The following PPP2R2D variants were observed in gnomAD, a reference collection of about 807,000 sequenced individuals.
PPP2R2D encodes the protein serine/threonine-protein phosphatase 2A 55 kDa regulatory subunit B delta isoform.
A neutral mutation model predicts 31.1 loss-of-function variants in PPP2R2D; 9 were observed. The observed-to-expected ratio is 0.29, with a 90% CI of 0.17 to 0.51. PPP2R2D has a LOEUF of 0.51. Among genes scored for constraint, PPP2R2D ranks in the 20% least tolerant of loss-of-function variants. The probability of loss-of-function intolerance (pLI) is 0.98; values close to 1 mark genes in which losing one functional copy is unlikely to be tolerated. For missense variants in PPP2R2D, 391 were observed against 465.6 expected, an observed-to-expected ratio of 0.84 and a Z score of 1.48; for synonymous variants, 179 against 172.6, an observed-to-expected ratio of 1.04 and a Z score of -0.29.
At chr10:131,965,511 A>G in the PPP2R2D span, among the ~76,000 whole-genome samples, 1 of 152,148 alleles carries the variant, frequency 6.6e-6, no homozygotes, top group Admixed American at 6.5e-5. Context: ...GTGCAGTGGC[A>G]CGATTTTGGC....
At chr10:131,966,883 T>G in the PPP2R2D span, 9 of 3,382 alleles carry the variant, frequency 2.7e-3, no homozygotes, top group African/African-American at 0.031. Flanking sequence ...AACTGGTTGT[T>G]TTTTTTTTTT....
intron 2 of PPP2R2D, among the ~76,000 whole-genome samples, chr10:131,916,266 G>A (rs2035777902): frequency 6.6e-6 from 1 of 151,806 alleles, no homozygotes; most frequent in Non-Finnish European, 1.5e-5. Context: ...ACTTAGGGTG[G>A]TTTGGGCCAT....
At chr10:131,944,597 T>C (rs984995612) in intron 6 of PPP2R2D, among the ~76,000 whole-genome samples, 5 of 152,230 alleles carry the variant, frequency 3.3e-5, no homozygotes, top group Admixed American at 2.6e-4. Flanking sequence ...CCTCCTCACA[T>C]GGGCCCCTTT....
intron 2 of PPP2R2D, among the ~76,000 whole-genome samples, chr10:131,933,377 GT>G (rs1200204519): frequency 3.9e-5 from 6 of 152,134 alleles, no homozygotes; most frequent in Admixed American, 3.3e-4. Context: ...CCATTTAGTT[GT>G]TTTTTTACTT....
intron 4 of PPP2R2D, 126 bp from the exon 5 acceptor site, chr10:131,940,456 G>T (rs1179983283): frequency 1.6e-6 from 1 of 610,728 alleles, no homozygotes; most frequent in Admixed American, 3.0e-5. Flanking sequence ...AAATATTCAT[G>T]TTCAGAGACC....
At chr10:131,904,219 A>AT (rs1491148782) in intron 2 of PPP2R2D, among the ~76,000 whole-genome samples, 1 of 137,758 alleles carries the variant, frequency 7.3e-6, no homozygotes, top group Non-Finnish European at 1.6e-5. Context: ...AAAAAAAAAA[A>AT]GGAGAGAGAT....
At chr10:131,943,402 AT>A in intron 5 of PPP2R2D, among the ~76,000 whole-genome samples, 1 of 152,256 alleles carries the variant, frequency 6.6e-6, no homozygotes, top group East Asian at 1.9e-4. Flanking sequence ...AGCTCCATGA[AT>A]GTTTGTAGGG....
In PPP2R2D at chr10:131,945,553, G is replaced by A. The variant is rs1188985436; in HGVS notation, c.820+94G>A. On this transcript the variant is annotated intron_variant, in intron 7 of 8. Coordinates refer to ENST00000455566, the MANE Select transcript of PPP2R2D (RefSeq NM_018461.5). The surrounding 1 kb of genome is among the most constrained non-coding windows in gnomAD (Gnocchi z 4.8). ...CGGCTCACGGCAAGCTCCGCCTCCC[G>A]GGTTCCAGCAAGTCTTCTGCCTCGG... The A allele has an allele frequency of 6.8e-5, 97 of 1,433,042 alleles. 1 individual carries two copies. The Middle Eastern group carries it at 9.9e-4, about 15-fold the overall frequency. The allele number at this position is 1,433,042 out of a possible 1,614,324, so 88.8% of individuals were successfully genotyped here. A position where few individuals can be genotyped will look rare whatever the true frequency, so the allele number is the denominator to read the frequency against.
chr10:131,904,190 C>T (rs1462594187), intron 2 of PPP2R2D, among the ~76,000 whole-genome samples: 3 of 124,154 alleles, frequency 2.4e-5, no homozygotes, highest in African/African-American at 6.5e-5. Flanking sequence ...GGCGTCAGAG[C>T]GAGACTCCGT....
At chr10:131,908,595 C>T (rs2035634510) in intron 2 of PPP2R2D, among the ~76,000 whole-genome samples, 1 of 152,230 alleles carries the variant, frequency 6.6e-6, no homozygotes, top group Non-Finnish European at 1.5e-5. Flanking sequence ...GAATTTGGTA[C>T]ACATCCCTTT....
intron 2 of PPP2R2D, among the ~76,000 whole-genome samples, chr10:131,933,497 T>G (rs1589946305): frequency 6.6e-6 from 1 of 151,992 alleles, no homozygotes. Flanking sequence ...TTCCTGAGAC[T>G]CCCCCACACT....
the PPP2R2D span, chr10:131,970,389 A>C: frequency 4.9e-5 from 28 of 566,944 alleles, no homozygotes; most frequent in Admixed American, 9.0e-4. This position sits in a 1 kb window ranked among gnomAD's most constrained non-coding sequence, Gnocchi z 4.1. Flanking sequence ...GACTCCGTTT[A>C]TATTCAGTGA....
At chr10:131,954,797 G>A (rs2036762942) in intron 8 of PPP2R2D, among the ~76,000 whole-genome samples, 1 of 152,234 alleles carries the variant, frequency 6.6e-6, no homozygotes, top group African/African-American at 2.4e-5. Flanking sequence ...CACCGCGCAT[G>A]ACCATGGGGG....
chr10:131,928,963 A>G (rs1014053029), intron 2 of PPP2R2D, among the ~76,000 whole-genome samples: 1 of 152,216 alleles, frequency 6.6e-6, no homozygotes, highest in Non-Finnish European at 1.5e-5. Context: ...TGATGTACGT[A>G]TAAAAGAAAA....
chr10:131,958,345 T>C lies in PPP2R2D; in HGVS notation c.*2382T>C, dbSNP rs190963953. 0.035 allele frequency: 6,807 copies of C among 191,942 alleles called. 180 individuals carry two copies. The highest frequency in any genetic ancestry group is 0.052 in the Admixed American group (811 of 15,702). The allele number at this position is 191,942 out of a possible 1,614,324, so 11.9% of individuals were successfully genotyped here. ...CCCCTGTGGAGATGAAGGGGTGTGC[T>C]GATCCCCCGTCTTCCTGTGGAGATG... On this transcript the variant is annotated 3_prime_UTR_variant, in exon 9 of 9. Coordinates refer to ENST00000455566, the MANE Select transcript of PPP2R2D (RefSeq NM_018461.5).
chr10:131,960,375 C>T (rs782681667), downstream of PPP2R2D, among the ~76,000 whole-genome samples: 2 of 152,176 alleles, frequency 1.3e-5, no homozygotes, highest in Non-Finnish European at 2.9e-5. Context: ...GCTGATGACC[C>T]GGATTCCATG....
intron 2 of PPP2R2D, among the ~76,000 whole-genome samples, chr10:131,914,001 C>A (rs987169675): frequency 6.6e-6 from 1 of 152,130 alleles, no homozygotes; most frequent in East Asian, 1.9e-4. Context: ...ACCACTGCAC[C>A]GGCACACAGG....
downstream of PPP2R2D, among the ~76,000 whole-genome samples, chr10:131,964,667 T>G (rs1554901974): frequency 1.9e-5 from 1 of 53,728 alleles, no homozygotes; most frequent in Non-Finnish European, 4.1e-5. Context: ...GTTTACTATG[T>G]TTTTTTTTTT....
At chr10:131,941,319 C>T (rs1442729151) in intron 5 of PPP2R2D, among the ~76,000 whole-genome samples, 1 of 152,192 alleles carries the variant, frequency 6.6e-6, no homozygotes, top group Admixed American at 6.5e-5. Flanking sequence ...AACTCAAAAC[C>T]TCAATGTCTT....
Sources: gnomAD v4.1 joint callset for allele counts (sites outside exome capture counted in the v4.1 genomes callset) on GRCh38, gnomAD v4.1.1 for gene constraint, Gnocchi (gnomAD v3.1) non-coding constraint, MANE v1.5 for transcripts, NCBI Gene and HGNC (gene_info 2026-07-23, HGNC 2026-07-21) for gene names.